The following CFAP46 variants were observed in gnomAD, a reference collection of about 807,000 sequenced individuals.
CFAP46 encodes cilia and flagella associated protein 46, also known as cilia- and flagella-associated protein 46.
Under a neutral mutation model 325.7 loss-of-function variants are expected in CFAP46, and 245 were observed. The observed-to-expected ratio is 0.75, with a 90% CI of 0.68 to 0.84. CFAP46 has a LOEUF of 0.84. Among genes scored for constraint, CFAP46 ranks in the 40% least tolerant of loss-of-function variants. The pLI is 0.00. For synonymous variants in CFAP46, 1,523 were observed against 1,495.9 expected, an observed-to-expected ratio of 1.02 and a Z score of -0.42; for missense variants, 3,346 against 3,543.0, an observed-to-expected ratio of 0.94 and a Z score of 1.41.
intron 24 of CFAP46, among the ~76,000 whole-genome samples, chr10:132,896,112 TG>T (rs1247734095): frequency 1.8e-5 from 1 of 55,578 alleles, no homozygotes; most frequent in Non-Finnish European, 3.9e-5. Flanking sequence ...CATGAAGACA[TG>T]GTGAGAAGGC....
At chr10:132,893,343 C>T (rs564035985) in intron 24 of CFAP46, among the ~76,000 whole-genome samples, 7 of 152,298 alleles carry the variant, frequency 4.6e-5, no homozygotes, top group African/African-American at 1.4e-4. Context: ...GAAGGGGTCC[C>T]CAGAGAATCT....
chr10:132,908,459 G>A lies in CFAP46; in HGVS notation c.2924+9C>T, dbSNP rs181210170. Reference sequence around the variant, plus strand: ...TGAGGGAATTTGTCCAGTCATGAGGGTTACTTACGGCCCAAATTTCTTCAG... The same window carrying A: ...TGAGGGAATTTGTCCAGTCATGAGGATTACTTACGGCCCAAATTTCTTCAG... On this transcript the variant is annotated intron_variant, in intron 22 of 57. Coordinates refer to ENST00000368586, the MANE Select transcript of CFAP46 (RefSeq NM_001200049.3). 2.6e-6 allele frequency: 4 copies of A among 1,550,452 alleles called. No homozygotes were observed. In the East Asian group the frequency reaches 7.3e-5, roughly 28 times the overall value.
At chr10:132,942,352 A>G in intron 1 of CFAP46, 84 bp downstream of exon 1, 1 of 843,370 alleles carries the variant, frequency 1.2e-6, no homozygotes, top group Non-Finnish European at 1.6e-6. Context: ...CTGGGATGAG[A>G]GGGTCCGGGG....
chr10:132,910,544 T>G (rs779064089), intron 19 of CFAP46, among the ~76,000 whole-genome samples: 1 of 152,212 alleles, frequency 6.6e-6, no homozygotes, highest in Non-Finnish European at 1.5e-5. Context: ...CCAGGTGAGT[T>G]TCTTCATGCT....
rs116078472 is a variant in CFAP46 at position 132,808,672 on chromosome 10, C to A, written c.7897G>T (p.Ala2633Ser). Residue 2633 changes from alanine (A) to serine (S), a missense_variant, in exon 58 of 58, where the codon GCT becomes TCT. Coordinates refer to ENST00000368586, the MANE Select transcript of CFAP46 (RefSeq NM_001200049.3). This position sits in a 1 kb window ranked among gnomAD's most constrained non-coding sequence, Gnocchi z 6.8. ...GGGGAGAGGCCCAGGAAGGGGAGAGCGAGCTGGGAGCTGGGGATGGGAGCC... is the reference window on the plus strand; with the variant it reads ...GGGGAGAGGCCCAGGAAGGGGAGAGAGAGCTGGGAGCTGGGGATGGGAGCC... ...LPAPIPSSQL[A>S]LPFLGLSPAL... 6.3e-7 allele frequency: 1 copy of A among 1,581,628 alleles called. No homozygotes were observed. Among genetic ancestry groups the A allele is most frequent in the South Asian group, 1.1e-5 (1 of 88,488 alleles).
intron 50 of CFAP46, among the ~76,000 whole-genome samples, chr10:132,823,228 GTGCTGTGTGCTGTGTGAGCGC>G (rs1252649128): frequency 1.4e-4 from 19 of 133,646 alleles, no homozygotes; most frequent in African/African-American, 5.4e-4. Context: ...TGCTGTGTGT[GTGCTGTGTGCTGTGTGAGCGC>G]TGATGTGTGC....
rs747824926 is a variant in CFAP46 at position 132,808,663 on chromosome 10, A to C, written c.7906T>G (p.Phe2636Val). Residue 2636 changes from phenylalanine to valine, a missense_variant, in exon 58 of 58, where the codon TTC (phenylalanine) becomes GTC (valine). Coordinates refer to ENST00000368586, the MANE Select transcript of CFAP46 (RefSeq NM_001200049.3). This position sits in a 1 kb window ranked among gnomAD's most constrained non-coding sequence, Gnocchi z 6.8. ...CCAAGGGCTGGGGAGAGGCCCAGGA[A>C]GGGGAGAGCGAGCTGGGAGCTGGGG... is the stretch of plus-strand genomic sequence containing the variant. ...PIPSSQLALP[F>V]LGLSPALGAA... The C allele has an allele frequency of 6.3e-7, 1 of 1,589,748 alleles. No homozygotes were observed. Among genetic ancestry groups the C allele is most frequent in the Non-Finnish European group, 8.6e-7 (1 of 1,167,828 alleles).
At chr10:132,863,434 C>G (rs531414962) in intron 35 of CFAP46, among the ~76,000 whole-genome samples, 3 of 152,300 alleles carry the variant, frequency 2.0e-5, no homozygotes, top group African/African-American at 7.2e-5. Context: ...TCCACAGCAT[C>G]CTCAGTCCCT....
chr10:132,893,286 C>A (rs960499666), intron 24 of CFAP46, among the ~76,000 whole-genome samples: 2 of 152,240 alleles, frequency 1.3e-5, no homozygotes, highest in African/African-American at 4.8e-5. Flanking sequence ...GGGGAGAAAT[C>A]ATGCAATACG....
intron 25 of CFAP46, among the ~76,000 whole-genome samples, chr10:132,891,064 G>T (rs373131796): frequency 6.6e-6 from 1 of 152,078 alleles, no homozygotes; most frequent in South Asian, 2.1e-4. Context: ...TTGTGTGTTT[G>T]TTTTTGCAGG....
intron 22 of CFAP46, among the ~76,000 whole-genome samples, chr10:132,905,224 G>C (rs1849440153): frequency 6.6e-6 from 1 of 152,168 alleles, no homozygotes; most frequent in South Asian, 2.1e-4. Context: ...TCTCATTGGA[G>C]AGTCCGGCTG....
intron 39 of CFAP46, among the ~76,000 whole-genome samples, chr10:132,852,806 C>T (rs1353217043): frequency 6.6e-6 from 1 of 152,184 alleles, no homozygotes; most frequent in East Asian, 1.9e-4. Context: ...GGACAGATTT[C>T]ATTTTTAAAT....
chr10:132,846,225 G>C lies in CFAP46; in HGVS notation c.6270C>G (p.Ser2090Arg), dbSNP rs777289646. The C allele has an allele frequency of 1.1e-5, 17 of 1,611,254 alleles. No homozygotes were observed. Among genetic ancestry groups the C allele is most frequent in the Non-Finnish European group, 1.2e-5 (14 of 1,179,440 alleles). Residue 2090 changes from serine (S) to arginine (R), a missense_variant and splice_region_variant, in exon 44 of 58, where the codon AGC (serine) becomes AGG (arginine). Transcript: ENST00000368586. The stretch of plus-strand genomic sequence containing the variant: ...CCCTCATCGTCTCTGAGGCCGAGCA[G>C]CTCTGAAAGGGAGCAGGGGAGGTGT... ...TTCQFLALSQ[S>R]CSASETMRDV...
chr10:132,864,893 AC>A (rs1196578599), intron 35 of CFAP46, among the ~76,000 whole-genome samples: 7 of 130,832 alleles, frequency 5.4e-5, no homozygotes, highest in Admixed American at 1.6e-4. Flanking sequence ...AGACCTGCAC[AC>A]ACCTGCCCTC....
At chr10:132,922,442 T>C in intron 12 of CFAP46, 38 bp downstream of exon 12, 1 of 1,510,358 alleles carries the variant, frequency 6.6e-7, no homozygotes. Flanking sequence ...ATGCTGGGGC[T>C]GCAGCACCCA....
At position 132,865,708 on chromosome 10, in the gene CFAP46, C is replaced by T. The variant is rs185206003; in HGVS notation, c.4890+317G>A. ...TGGGGTTCTCCAAGTTCTCGTCCAG[C>T]CTCAGAAGGTAAGAAACTGACTATG... On this transcript the variant is annotated intron_variant, in intron 35 of 57. Transcript: ENST00000368586. Among the ~76,000 whole-genome samples, 3 of 152,354 alleles carry T rather than the reference C, an allele frequency of 2.0e-5. No individual in the cohort carries two copies. The East Asian group carries it at 5.8e-4, about 29-fold the overall frequency.
chr10:132,821,441 T>C lies in CFAP46; in HGVS notation c.7118-6527A>G, dbSNP rs1419639455. Among the ~76,000 whole-genome samples, 14 of 123,512 alleles carry C rather than the reference T, an allele frequency of 1.1e-4. No homozygotes were observed. The East Asian group carries it at 2.5e-3, about 22-fold the overall frequency. The allele number at this position is 123,512 out of a possible 152,430, so 81.0% of individuals were successfully genotyped here. ...TGAGCGCTGATGTGTGCTGTGTGAG[T>C]GCTGATGTGTGCTGTGTGTGCTGAT... On this transcript the variant is annotated intron_variant, in intron 50 of 57. Transcript: ENST00000368586.
chr10:132,865,841 A>G (rs747519175), intron 35 of CFAP46, among the ~76,000 whole-genome samples, 184 bp downstream of exon 35: 74 of 152,362 alleles, frequency 4.9e-4, no homozygotes, highest in Non-Finnish European at 8.7e-4. Context: ...TGGCAGAGCA[A>G]AAGACGGACA....
intron 50 of CFAP46, 111 bp downstream of exon 50, chr10:132,833,247 C>T: frequency 9.0e-7 from 1 of 1,106,688 alleles, no homozygotes; most frequent in Non-Finnish European, 1.3e-6. Context: ...AAAAATGTTG[C>T]AACATTTGAT....
Sources: gnomAD v4.1 joint callset for allele counts (sites outside exome capture counted in the v4.1 genomes callset) on GRCh38, gnomAD v4.1.1 for gene constraint, Gnocchi (gnomAD v3.1) non-coding constraint, MANE v1.5 for transcripts, NCBI Gene and HGNC (gene_info 2026-07-23, HGNC 2026-07-21) for gene names.